RNASEH2C: variants seen among roughly 807,000 people sequenced by gnomAD.
RNASEH2C encodes ribonuclease H2 subunit C.
In RNASEH2C, 20 loss-of-function variants were observed where a neutral mutation model predicts 16.3. The observed-to-expected ratio is 1.23, with a 90% CI of 0.86 to 1.79. The LOEUF (loss-of-function observed/expected upper bound fraction) is 1.79, where lower values mean the gene tolerates loss of function less well. RNASEH2C is among the 40% of genes most tolerant of loss of function. The pLI, the probability that RNASEH2C is intolerant of heterozygous loss-of-function variation, is 0.00. For missense variants in RNASEH2C, 296 were observed against 235.9 expected, an observed-to-expected ratio of 1.25 and a Z score of -1.67; for synonymous variants, 106 against 98.9, an observed-to-expected ratio of 1.07 and a Z score of -0.43.
In RNASEH2C at chr11:65,720,046, G is replaced by A; in HGVS notation, c.467C>T (p.Ala156Val). 1 of 1,613,360 alleles carries A rather than the reference G, an allele frequency of 6.2e-7. No homozygotes were observed. Among genetic ancestry groups the A allele is most frequent in the Middle Eastern group, 1.6e-4 (1 of 6,062 alleles). Residue 156 changes from alanine to valine, a missense_variant and splice_region_variant, in exon 3 of 4, where the codon GCG becomes GTG. By Grantham distance (64) the Ala-to-Val change is moderately conservative (BLOSUM62 0). Coordinates refer to ENST00000308418, the MANE Select transcript of RNASEH2C (RefSeq NM_032193.4). ...AGACGGAACTCCTCGTCTACTCACC[G>A]CTGCCGCAAGGCTGGGCCAAGTTAA... ...GALTWPSLAAAIHAQVPED is the reference protein window; with the variant it reads ...GALTWPSLAAVIHAQVPED
In RNASEH2C at chr11:65,718,794, C is replaced by G; in HGVS notation, c.*989G>C. ...CCTGGGGGTACATGGCATGGCTTGT[C>G]TGTTCCTGGGCTTTCTCTCTCAGGG... is the stretch of plus-strand genomic sequence containing the variant. On this transcript the variant is annotated 3_prime_UTR_variant, in exon 4 of 4. Transcript: ENST00000308418. 6.2e-7 allele frequency: 1 copy of G among 1,613,936 alleles called. No homozygotes were observed. Among genetic ancestry groups the G allele is most frequent in the Non-Finnish European group, 8.5e-7 (1 of 1,179,846 alleles).
rs1590971833 is a variant in RNASEH2C, at chr11:65,719,675, A to G, written c.*108T>C. On this transcript the variant is annotated 3_prime_UTR_variant, in exon 4 of 4. Coordinates refer to ENST00000308418, the MANE Select transcript of RNASEH2C (RefSeq NM_032193.4). ...GGCTTAGGGGCTCTAAGGCGCCCAGACTCACAGGTGCTGTGAAGAGCTCCT... is the reference window on the plus strand; with the variant it reads ...GGCTTAGGGGCTCTAAGGCGCCCAGGCTCACAGGTGCTGTGAAGAGCTCCT... 2 of 1,219,218 alleles carry G rather than the reference A, an allele frequency of 1.6e-6. No individual in the cohort carries two copies. The highest frequency in any genetic ancestry group is 2.4e-6 in the Non-Finnish European group (2 of 823,086). The allele number at this position is 1,219,218 out of a possible 1,614,324, so 75.5% of individuals were successfully genotyped here.
rs542065582 is a variant in RNASEH2C at position 65,719,259 on chromosome 11, C to T, written c.*524G>A. The T allele has an allele frequency of 1.1e-5, 17 of 1,526,282 alleles. No individual in the cohort carries two copies. Among genetic ancestry groups the T allele is most frequent in the Non-Finnish European group, 1.3e-5 (15 of 1,120,114 alleles). The allele number at this position is 1,526,282 out of a possible 1,614,324, so 94.5% of individuals were successfully genotyped here. On this transcript the variant is annotated 3_prime_UTR_variant, in exon 4 of 4. Coordinates refer to ENST00000308418, the MANE Select transcript of RNASEH2C (RefSeq NM_032193.4). The stretch of plus-strand genomic sequence containing the variant: ...CCCACCCCGCCCCCACTGCAGCTCC[C>T]ACAAAGCACTCTAAGGGAGATGGGG...
In RNASEH2C at chr11:65,719,719, C is replaced by T. The variant is rs776252408; in HGVS notation, c.*64G>A. 1 of 1,564,404 alleles carries T rather than the reference C, an allele frequency of 6.4e-7. No homozygotes were observed. Among genetic ancestry groups the T allele is most frequent in the Non-Finnish European group, 8.8e-7 (1 of 1,135,966 alleles). Reference sequence around the variant, plus strand: ...AGCTCCTTTATTGGGGTGATGGAATCGGTTCCAAAGAGCTGGTTTACTGCT... The same window carrying T: ...AGCTCCTTTATTGGGGTGATGGAATTGGTTCCAAAGAGCTGGTTTACTGCT... On this transcript the variant is annotated 3_prime_UTR_variant, in exon 4 of 4. Transcript: ENST00000308418.
Position 65,719,800 on chromosome 11 carries a change from GT to G in RNASEH2C, c.477del (p.Gln160ArgfsTer21). 6.2e-7 allele frequency: 1 copy of G among 1,614,166 alleles called. No individual in the cohort carries two copies. The highest frequency in any genetic ancestry group is 8.5e-7 in the Non-Finnish European group (1 of 1,180,014). Reference protein sequence around the residue: ...TWPSLAAAIHAQVPED With the variant: ...TWPSLAAAIHXQVPED Reference sequence around the variant, plus strand: ...TCTGGTTCTCAGTCCTCGGGCACCTGTGCGTGAATCTGCAACAGGAGTCGCC... The same window carrying G: ...TCTGGTTCTCAGTCCTCGGGCACCTGGCGTGAATCTGCAACAGGAGTCGCC... On this transcript the variant is annotated frameshift_variant, in exon 4 of 4. Transcript: ENST00000308418. LOFTEE classifies it high-confidence loss of function.
At position 65,719,742 on chromosome 11, in the gene RNASEH2C, G is replaced by T; in HGVS notation, c.*41C>A. 2 of 1,610,194 alleles carry T rather than the reference G, an allele frequency of 1.2e-6. No individual in the cohort carries two copies. Among genetic ancestry groups the T allele is most frequent in the Non-Finnish European group, 1.7e-6 (2 of 1,176,686 alleles). On this transcript the variant is annotated 3_prime_UTR_variant, in exon 4 of 4. Coordinates refer to ENST00000308418, the MANE Select transcript of RNASEH2C (RefSeq NM_032193.4). ...ATCGGTTCCAAAGAGCTGGTTTACTGCTGTGAAGGGATCGCAGCTTTGAAT... is the reference window on the plus strand; with the variant it reads ...ATCGGTTCCAAAGAGCTGGTTTACTTCTGTGAAGGGATCGCAGCTTTGAAT...
Position 65,720,623 on chromosome 11 carries a change from G to T in RNASEH2C, c.136C>A (p.Arg46Ser). 6.4e-7 allele frequency: 1 copy of T among 1,550,652 alleles called. No homozygotes were observed. The highest frequency in any genetic ancestry group is 8.7e-7 in the Non-Finnish European group (1 of 1,151,698). ...TGGCGGATGGCGGGCGTGAAGAAGC[G>T]CCCCACCGGGGCGGGCCCGTCCACC... is the stretch of plus-strand genomic sequence containing the variant. ...VAVDGPAPVG[R>S]FFTPAIRQGP... is the part of the protein sequence containing the mutation. The change falls in exon 1 of 4, where the codon CGC (arginine) becomes AGC (serine). Residue 46 changes from arginine to serine, a missense_variant. Coordinates refer to ENST00000308418, the MANE Select transcript of RNASEH2C (RefSeq NM_032193.4).
rs762036497 is a variant in RNASEH2C, at chr11:65,719,824, G to A, written c.469-15C>T. ...TGTGCGTGAATCTGCAACAGGAGTC[G>A]CCTCTACTGTTGGACTTGTAAGACA... On this transcript the variant is annotated splice_polypyrimidine_tract_variant and intron_variant, in intron 3 of 3. Coordinates refer to ENST00000308418, the MANE Select transcript of RNASEH2C (RefSeq NM_032193.4). The A allele has an allele frequency of 1.2e-6, 2 of 1,614,018 alleles. No individual in the cohort carries two copies. Among genetic ancestry groups the A allele is most frequent in the Non-Finnish European group, 8.5e-7 (1 of 1,179,938 alleles).
rs779293116 is a variant in RNASEH2C at position 65,720,236 on chromosome 11, G to A, written c.348+6C>T. The A allele has an allele frequency of 4.2e-5, 68 of 1,614,112 alleles. No individual in the cohort carries two copies. In the East Asian group the frequency reaches 7.4e-4, roughly 17 times the overall value. On this transcript the variant is annotated splice_donor_region_variant and intron_variant, in intron 2 of 3. Transcript: ENST00000308418. Reference sequence around the variant, plus strand: ...CACCCCCTTTCAACCCTATCCCTTTGCTCACGAAGTCCCGCTCCAGCGGCT... The same window carrying A: ...CACCCCCTTTCAACCCTATCCCTTTACTCACGAAGTCCCGCTCCAGCGGCT...
In RNASEH2C at chr11:65,720,025, G is replaced by A. The variant is rs1326249954; in HGVS notation, c.468+20C>T. 3.1e-6 allele frequency: 5 copies of A among 1,612,416 alleles called. No homozygotes were observed. Among genetic ancestry groups the A allele is most frequent in the Non-Finnish European group, 3.4e-6 (4 of 1,180,028 alleles). On this transcript the variant is annotated intron_variant, in intron 3 of 3. Transcript: ENST00000308418. ...CAGCCCATCCACCCGGGGGCAAGAC[G>A]GAACTCCTCGTCTACTCACCGCTGC...
In RNASEH2C at chr11:65,718,768, A is replaced by G. The variant is rs201467701; in HGVS notation, c.*1015T>C. 6.2e-7 allele frequency: 1 copy of G among 1,614,084 alleles called. No individual in the cohort carries two copies. The highest frequency in any genetic ancestry group is 1.3e-5 in the African/African-American group (1 of 75,022). On this transcript the variant is annotated 3_prime_UTR_variant, in exon 4 of 4. Coordinates refer to ENST00000308418, the MANE Select transcript of RNASEH2C (RefSeq NM_032193.4). ...CCATCAAGTGAGCCTGGCGCTGTCT[A>G]CCTGGGGGTACATGGCATGGCTTGT... is the stretch of plus-strand genomic sequence containing the variant.
rs1857362874 is a variant in RNASEH2C, at chr11:65,720,717, G to A, written c.42C>T (p.Val14=). 6.3e-7 allele frequency: 1 copy of A among 1,598,074 alleles called. No homozygotes were observed. The highest frequency in any genetic ancestry group is 8.5e-7 in the Non-Finnish European group (1 of 1,176,130). Reference sequence around the variant, plus strand: ...CGCGCAATGTGGCGGAGCGCAAGTGGACGCGGTGCCTCTCGATGGCCGCTT... The same window carrying A: ...CGCGCAATGTGGCGGAGCGCAAGTGAACGCGGTGCCTCTCGATGGCCGCTT... The part of the protein sequence containing the change: ...GDEAAIERHR[V]HLRSATLRDA... The change falls in exon 1 of 4, where the codon GTC becomes GTT. Residue 14 remains valine, a synonymous_variant. Coordinates refer to ENST00000308418, the MANE Select transcript of RNASEH2C (RefSeq NM_032193.4).
Position 65,718,660 on chromosome 11 carries a change from A to C in RNASEH2C, c.*1123T>G. The C allele has an allele frequency of 3.7e-6, 6 of 1,614,158 alleles. No individual in the cohort carries two copies. The highest frequency in any genetic ancestry group is 5.1e-6 in the Non-Finnish European group (6 of 1,180,016). On this transcript the variant is annotated 3_prime_UTR_variant, in exon 4 of 4. Transcript: ENST00000308418. ...AGCCCCTCTCAGACCTTGGCCTCCT[A>C]TCCTATCGAAGCTACTGGTCCCAGA... is the stretch of plus-strand genomic sequence containing the variant.
In RNASEH2C at chr11:65,719,439, G is replaced by A; in HGVS notation, c.*344C>T. On this transcript the variant is annotated 3_prime_UTR_variant, in exon 4 of 4. Coordinates refer to ENST00000308418, the MANE Select transcript of RNASEH2C (RefSeq NM_032193.4). ...GGACCAGAGGGAGCCAGGCAGCTGTGTACAGTGAGAAGGGATCCGGATGGG... is the reference window on the plus strand; with the variant it reads ...GGACCAGAGGGAGCCAGGCAGCTGTATACAGTGAGAAGGGATCCGGATGGG... 1 of 606,352 alleles carries A rather than the reference G, an allele frequency of 1.6e-6. No individual in the cohort carries two copies. Among genetic ancestry groups the A allele is most frequent in the Non-Finnish European group, 2.9e-6 (1 of 343,470 alleles). 37.6% of individuals were successfully genotyped at this position (606,352 alleles called of 1,614,324 possible). A position where few individuals can be genotyped will look rare whatever the true frequency, so the allele number is the denominator to read the frequency against.
Position 65,718,977 on chromosome 11 carries a change from C to CAGGTGTGTGGGATGCAGAGTGA in RNASEH2C, c.*805_*806insTCACTCTGCATCCCACACACCT, listed in dbSNP as rs1366775632. On this transcript the variant is annotated 3_prime_UTR_variant, in exon 4 of 4. Transcript: ENST00000308418. ...AAGGTAGGGAGGCAGGCAGGGGAGA[C>CAGGTGTGTGGGATGCAGAGTGA]AGGTGTGTGGGATGCAGAGTGCAGT... is the stretch of plus-strand genomic sequence containing the variant. 1 of 1,614,044 alleles carries CAGGTGTGTGGGATGCAGAGTGA rather than the reference C, an allele frequency of 6.2e-7. No individual in the cohort carries two copies. The highest frequency in any genetic ancestry group is 1.3e-5 in the African/African-American group (1 of 75,036).
chr11:65,718,323 C>T lies in RNASEH2C; in HGVS notation c.*1460G>A. 2 of 397,506 alleles carry T rather than the reference C, an allele frequency of 5.0e-6. No homozygotes were observed. The highest frequency in any genetic ancestry group is 9.1e-6 in the Non-Finnish European group (2 of 219,836). The allele number at this position is 397,506 out of a possible 1,614,324, so 24.6% of individuals were successfully genotyped here. On this transcript the variant is annotated 3_prime_UTR_variant, in exon 4 of 4. Coordinates refer to ENST00000308418, the MANE Select transcript of RNASEH2C (RefSeq NM_032193.4). ...TTCTCTGCATCCCCTGCCCATAAGC[C>T]TTCACTGGCCTCTGATCACCCTCAT...
intron 3 of RNASEH2C, 45 bp from the exon 4 acceptor site, chr11:65,719,854 G>A (rs770780121): frequency 2.5e-6 from 4 of 1,612,626 alleles, no homozygotes; most frequent in Admixed American, 1.7e-5. Context: ...AAGACAGGGC[G>A]GCAAGCTGGC....
At position 65,720,791 on chromosome 11, in the gene RNASEH2C, C is replaced by A; in HGVS notation, c.-33G>T. 6.4e-7 allele frequency: 1 copy of A among 1,565,494 alleles called. No homozygotes were observed. Among genetic ancestry groups the A allele is most frequent in the Non-Finnish European group, 8.6e-7 (1 of 1,163,058 alleles). ...CCTACGCGACGCCAGGGCTCGCGAG[C>A]TGACACTGAAGCTGGCGCGGAAAGC... On this transcript the variant is annotated 5_prime_UTR_variant, in exon 1 of 4. Coordinates refer to ENST00000308418, the MANE Select transcript of RNASEH2C (RefSeq NM_032193.4).
chr11:65,719,603 C>A lies in RNASEH2C; in HGVS notation c.*180G>T. 1 of 727,490 alleles carries A rather than the reference C, an allele frequency of 1.4e-6. No individual in the cohort carries two copies. 45.1% of individuals were successfully genotyped at this position (727,490 alleles called of 1,614,324 possible). ...CCGGCAATAAATTGTTTCTATATGC[C>A]AGAGCCATGCAAAGTTCTTGGTGGG... On this transcript the variant is annotated 3_prime_UTR_variant, in exon 4 of 4. Transcript: ENST00000308418.
Sources: gnomAD v4.1 joint callset for allele counts on GRCh38, gnomAD v4.1.1 for gene constraint, MANE v1.5 for transcripts, NCBI Gene and HGNC (gene_info 2026-07-23, HGNC 2026-07-21) for gene names.